The following GOLGA8T variants were observed in gnomAD, a reference collection of about 807,000 sequenced individuals.
GOLGA8T encodes the protein golgin A8 family member T.
In GOLGA8T, 17 loss-of-function variants were observed where a neutral mutation model predicts 52.0. The ratio of observed to expected loss-of-function variants is 0.33; its 90% CI spans 0.22 to 0.49. The LOEUF (loss-of-function observed/expected upper bound fraction) is 0.49. Among genes scored for constraint, GOLGA8T ranks in the 20% least tolerant of loss-of-function variants. The pLI is 0.99. For missense variants in GOLGA8T, 154 were observed against 462.1 expected (o/e 0.33, Z 6.11); for synonymous variants, 67 against 169.5 (o/e 0.40, Z 4.70).
intron 8 of GOLGA8T, chr15:30,140,094 G>C: frequency 1.8e-6 from 1 of 559,028 alleles, no homozygotes; most frequent in Non-Finnish European, 3.2e-6. Flanking sequence ...GTACTGTGAA[G>C]GTACAGAAGA....
chr15:30,141,935 C>G lies in GOLGA8T; in HGVS notation c.1008C>G (p.Asn336Lys). The G allele has an allele frequency of 2.2e-6, 1 of 457,110 alleles. No homozygotes were observed. 28.3% of individuals were successfully genotyped at this position (457,110 alleles called of 1,614,324 possible). Residue 336 changes from asparagine to lysine, a missense_variant, in exon 12 of 19, where the codon AAC becomes AAG. Physicochemically the swap from Asn to Lys is moderately conservative, Grantham distance 94. This residue lies in a region of GOLGA8T where 54 missense variants were observed against 51.5 expected (regional missense o/e 1.05). Transcript: ENST00000569052. ...AGAATCAGCGCATAAGTCTCCTGAA[C>G]CAGCGACAAGAAGAGAGGATTCAGG... ...VKKNQRISLL[N>K]QRQEERIQEQ... is the part of the protein sequence containing the mutation.
At position 30,145,570 on chromosome 15, in the gene GOLGA8T, A is replaced by G. The variant is rs1342891061; in HGVS notation, c.*3A>G. On this transcript the variant is annotated 3_prime_UTR_variant, in exon 19 of 19. Transcript: ENST00000569052. ...GGCTGCCAAGAAGAAGGAGATAAAC[A>G]TCACCATCCTCAAAGAGCTGCTCAA... The G allele has an allele frequency of 2.9e-5, 42 of 1,472,560 alleles. 10 individuals are homozygous for G. The African/African-American group carries it at 9.1e-4, about 32-fold the overall frequency. 91.2% of individuals were successfully genotyped at this position (1,472,560 alleles called of 1,614,324 possible).
intron 2 of GOLGA8T, among the ~76,000 whole-genome samples, chr15:30,137,322 A>G (rs1243870353): frequency 3.7e-5 from 5 of 134,872 alleles, no homozygotes; most frequent in South Asian, 2.5e-4. Context: ...AGCTTGCAGT[A>G]GCCAAGATTA....
chr15:30,144,683 C>A lies in GOLGA8T; in HGVS notation c.1369-96C>A. ...CTGCAGGAAGTCACGGAGAAGCTGGCCCATGCCAGGACTCACCTCCACCTT... is the reference window on the plus strand; with the variant it reads ...CTGCAGGAAGTCACGGAGAAGCTGGACCATGCCAGGACTCACCTCCACCTT... On this transcript the variant is annotated intron_variant, in intron 15 of 18. Coordinates refer to ENST00000569052, the MANE Select transcript of GOLGA8T (RefSeq NM_001355469.2). The A allele has an allele frequency of 2.5e-6, 3 of 1,191,302 alleles. 1 individual carries two copies. Among genetic ancestry groups the A allele is most frequent in the Non-Finnish European group, 3.3e-6 (3 of 903,250 alleles). The allele number at this position is 1,191,302 out of a possible 1,614,324, so 73.8% of individuals were successfully genotyped here.
At position 30,136,514 on chromosome 15, in the gene GOLGA8T, G is replaced by A. The variant is rs2057691760; in HGVS notation, c.49-352G>A. On this transcript the variant is annotated intron_variant, in intron 1 of 18. Transcript: ENST00000569052. ...TGCACTTCTTCACACTAACAGACGTGTGAGGATGTGTGACTCTAAACCACA... is the reference window on the plus strand; with the variant it reads ...TGCACTTCTTCACACTAACAGACGTATGAGGATGTGTGACTCTAAACCACA... Among the ~76,000 whole-genome samples the A allele has an allele frequency of 1.3e-5, 2 of 148,482 alleles. 1 individual carries two copies. Among genetic ancestry groups the A allele is most frequent in the South Asian group, 4.5e-4 (2 of 4,454 alleles).
At chr15:30,137,311 G>C (rs1457040726) in intron 2 of GOLGA8T, among the ~76,000 whole-genome samples, 7 of 137,622 alleles carry the variant, frequency 5.1e-5, no homozygotes, top group Non-Finnish European at 1.1e-4. Flanking sequence ...CTGGGAGGTG[G>C]AGCTTGCAGT....
Position 30,141,518 on chromosome 15 carries a change from G to A in GOLGA8T, c.874+93G>A. ...GCCCCAGGGAGGTGGGTGGATGGAA[G>A]GGCTTTGAGGCAGAGGGAAAGAGAT... On this transcript the variant is annotated intron_variant, in intron 11 of 18. Coordinates refer to ENST00000569052, the MANE Select transcript of GOLGA8T (RefSeq NM_001355469.2). 3.5e-6 allele frequency: 3 copies of A among 854,826 alleles called. 1 individual carries two copies. The highest frequency in any genetic ancestry group is 5.2e-5 in the East Asian group (2 of 38,552). 53.0% of individuals were successfully genotyped at this position (854,826 alleles called of 1,614,324 possible).
rs202001124 is a variant in GOLGA8T at position 30,144,903 on chromosome 15, G to T, written c.1466+27G>T. Reference sequence around the variant, plus strand: ...TGAGTGGGAGGCCAGGGCACGGCAGGGGGAGCTACAGGGCCGTCGGAGGGG... The same window carrying T: ...TGAGTGGGAGGCCAGGGCACGGCAGTGGGAGCTACAGGGCCGTCGGAGGGG... On this transcript the variant is annotated intron_variant, in intron 16 of 18. Coordinates refer to ENST00000569052, the MANE Select transcript of GOLGA8T (RefSeq NM_001355469.2). 6.7e-3 allele frequency: 10,681 copies of T among 1,588,414 alleles called. 333 individuals carry two copies. Among genetic ancestry groups the T allele is most frequent in the Non-Finnish European group, 8.3e-3 (9,764 of 1,173,452 alleles).
intron 13 of GOLGA8T, among the ~76,000 whole-genome samples, 194 bp from the exon 14 acceptor site, chr15:30,143,412 G>T (rs561061900): frequency 8.0e-6 from 1 of 125,294 alleles, no homozygotes; most frequent in Non-Finnish European, 1.5e-5. Flanking sequence ...AGAAGGAGGC[G>T]CTGTACAGGC....
intron 8 of GOLGA8T, chr15:30,140,144 CGTGTGTGCGTGTGTGTGT>C (rs2057721438): frequency 2.4e-6 from 1 of 409,012 alleles, no homozygotes; most frequent in Non-Finnish European, 4.3e-6. Context: ...AAAGAGGAAA[CGTGTGTGCGTGTGTGTGT>C]GTGTGTGTGT....
intron 13 of GOLGA8T, 133 bp downstream of exon 13, chr15:30,142,515 G>T (rs2057759240): frequency 6.7e-7 from 1 of 1,502,816 alleles, no homozygotes; most frequent in Non-Finnish European, 8.9e-7. Flanking sequence ...CCCCAGGGCA[G>T]TCCTGTTTCT....
chr15:30,142,634 A>G (rs1275309697), intron 13 of GOLGA8T, among the ~76,000 whole-genome samples: 1 of 140,994 alleles, frequency 7.1e-6, no homozygotes, highest in Non-Finnish European at 1.5e-5. Context: ...GGGAAGAGAC[A>G]GTGGTATAAC....
In GOLGA8T at chr15:30,142,350, CA is replaced by C. The variant is rs2057755413; in HGVS notation, c.1170del (p.Val391Ter). 6.4e-7 allele frequency: 1 copy of C among 1,551,388 alleles called. No homozygotes were observed. Among genetic ancestry groups the C allele is most frequent in the Admixed American group, 1.8e-5 (1 of 55,356 alleles). On this transcript the variant is annotated frameshift_variant, in exon 13 of 19. Coordinates refer to ENST00000569052, the MANE Select transcript of GOLGA8T (RefSeq NM_001355469.2). LOFTEE classifies it high-confidence loss of function. The part of the protein sequence containing the change: ...ENKNALQLEQ[Q>X]VKELQEKLGE... Reference sequence around the variant, plus strand: ...CAAGAACGCACTGCAGTTGGAGCAGCAAGTAAAGGAGCTACAGGAGAAGCTT... The same window carrying C: ...CAAGAACGCACTGCAGTTGGAGCAGCAGTAAAGGAGCTACAGGAGAAGCTT...
chr15:30,143,558 G>T, intron 13 of GOLGA8T, 48 bp from the exon 14 acceptor site: 1 of 1,527,662 alleles, frequency 6.5e-7, no homozygotes, highest in Non-Finnish European at 8.7e-7. Context: ...CTGTGAGGGG[G>T]ATGACCTGGC....
rs1194470002 is a variant in GOLGA8T, at chr15:30,141,146, A to T, written c.786+4A>T. ...GATGAGAAAAATGTCGCAGGAGGTG[A>T]GATCTGACCCTTCAGCCCCCCCACA... is the stretch of plus-strand genomic sequence containing the variant. On this transcript the variant is annotated splice_donor_region_variant and intron_variant, in intron 10 of 18. Transcript: ENST00000569052. 3.1e-6 allele frequency: 3 copies of T among 963,056 alleles called. 1 individual carries two copies. The highest frequency in any genetic ancestry group is 4.0e-5 in the Admixed American group (2 of 49,392). 59.7% of individuals were successfully genotyped at this position (963,056 alleles called of 1,614,324 possible).
chr15:30,140,615 T>G (rs2057729533), intron 8 of GOLGA8T, among the ~76,000 whole-genome samples: 1 of 143,908 alleles, frequency 6.9e-6, no homozygotes, highest in Admixed American at 6.8e-5. Context: ...ACAATAGCAA[T>G]ATTATCTGAT....
rs1205744609 is a variant in GOLGA8T at position 30,141,089 on chromosome 15, C to A, written c.733C>A (p.Leu245Ile). The A allele has an allele frequency of 3.3e-6, 4 of 1,197,508 alleles. No homozygotes were observed. Among genetic ancestry groups the A allele is most frequent in the East Asian group, 4.9e-5 (2 of 40,724 alleles). 74.2% of individuals were successfully genotyped at this position (1,197,508 alleles called of 1,614,324 possible). ...QLERDEYSEH[L>I]KGERARWQQR... ...AGAAAGAGATGAGTATTCTGAACAT[C>A]TAAAAGGAGAGAGGGCCCGGTGGCA... Residue 245 changes from leucine (L) to isoleucine (I), a missense_variant, in exon 10 of 19, where the codon CTA becomes ATA. Leu to Ile is a conservative substitution (Grantham distance 5). Coordinates refer to ENST00000569052, the MANE Select transcript of GOLGA8T (RefSeq NM_001355469.2).
intron 8 of GOLGA8T, among the ~76,000 whole-genome samples, chr15:30,140,549 G>A (rs1409775561): frequency 7.5e-6 from 1 of 133,728 alleles, no homozygotes; most frequent in Non-Finnish European, 1.5e-5. Context: ...TTGTTAGCAC[G>A]GTACCTGGTG....
rs1353580462 is a variant in GOLGA8T, at chr15:30,145,537, C to T, written c.1866C>T (p.Cys622=). The T allele has an allele frequency of 7.2e-6, 11 of 1,521,594 alleles. No homozygotes were observed. The Admixed American group carries it at 1.9e-4, about 26-fold the overall frequency. 94.3% of individuals were successfully genotyped at this position (1,521,594 alleles called of 1,614,324 possible). The change falls in exon 19 of 19, where the codon TGC becomes TGT. Residue 622 remains cysteine (C), a synonymous_variant. Coordinates refer to ENST00000569052, the MANE Select transcript of GOLGA8T (RefSeq NM_001355469.2). ...GCAACTGCTGTGTGCCATTCTTGTG[C>T]TGGGCTTGGCTGCCAAGAAGAAGGA... ...LGSNCCVPFL[C]WAWLPRRRR is the part of the protein sequence containing the mutation.
Sources: gnomAD v4.1 joint callset for allele counts (sites outside exome capture counted in the v4.1 genomes callset) on GRCh38, gnomAD v4.1.1 for gene constraint, gnomAD v4.1.1 regional missense constraint, MANE v1.5 for transcripts, NCBI Gene and HGNC (gene_info 2026-07-23, HGNC 2026-07-21) for gene names.